Variants in SDCBP2 observed in about 807,000 individuals in gnomAD.
SDCBP2 encodes the protein syndecan binding protein 2, also known as syntenin-2.
In SDCBP2, 28 loss-of-function variants were observed where a neutral mutation model predicts 30.7. That is an observed-to-expected ratio of 0.91 (90% confidence interval 0.68 to 1.25). SDCBP2 has a LOEUF of 1.25. Among genes scored for constraint, SDCBP2 ranks in the 50% most tolerant of loss-of-function variants. SDCBP2 has a pLI of 0.00. For synonymous variants in SDCBP2, 166 were observed against 157.3 expected (o/e 1.06, Z -0.41); for missense variants, 399 against 379.0 (o/e 1.05, Z -0.44).
rs561923969 is a variant in SDCBP2, at chr20:1,312,946, A to C, written c.385-184T>G. ...AGGAAACACTCTAGGCCTCATAGTTAGGAAGCAGGTGAGTCAGGATTTCAA... is the reference window on the plus strand; with the variant it reads ...AGGAAACACTCTAGGCCTCATAGTTCGGAAGCAGGTGAGTCAGGATTTCAA... On this transcript the variant is annotated intron_variant, in intron 5 of 8. Coordinates refer to ENST00000360779, the MANE Select transcript of SDCBP2 (RefSeq NM_080489.5). The C allele has an allele frequency of 3.9e-4, 252 of 652,020 alleles. 1 individual carries two copies. The East Asian group carries it at 6.8e-3, about 18-fold the overall frequency. 40.4% of individuals were successfully genotyped at this position (652,020 alleles called of 1,614,324 possible). A position where few individuals can be genotyped will look rare whatever the true frequency, so the allele number is the denominator to read the frequency against.
Position 1,313,474 on chromosome 20 carries a change from C to T in SDCBP2, c.250G>A (p.Gly84Ser), listed in dbSNP as rs370467931. The T allele has an allele frequency of 1.2e-5, 19 of 1,595,916 alleles. No homozygotes were observed. In the African/African-American group the frequency reaches 2.1e-4, roughly 18 times the overall value. ...CCGGTTACCGGTGCCACCATCTGGC[C>T]GGGCCCGGGGCCCGAGACCGCTGTC... The part of the protein sequence containing the change: ...DSTAVSGPGP[G>S]QMVAPVTGYS... The change falls in exon 5 of 9, where the codon GGC becomes AGC. Residue 84 changes from glycine to serine, a missense_variant. Coordinates refer to ENST00000360779, the MANE Select transcript of SDCBP2 (RefSeq NM_080489.5). This position sits in a 1 kb window ranked among gnomAD's most constrained non-coding sequence, Gnocchi z 5.2.
rs2088726197 is a variant in SDCBP2, at chr20:1,313,770, A to G, written c.226-272T>C. ...AGAGGCCCTTCATTTCCCAAGGGAA[A>G]CTGGCATCAGGAAAAGCCTCCTTTA... On this transcript the variant is annotated intron_variant, in intron 4 of 8. Transcript: ENST00000360779. The surrounding 1 kb of genome is among the most constrained non-coding windows in gnomAD (Gnocchi z 5.2). 1.3e-6 allele frequency: 1 copy of G among 760,392 alleles called. No homozygotes were observed. Among genetic ancestry groups the G allele is most frequent in the East Asian group, 3.9e-5 (1 of 25,446 alleles). The allele number at this position is 760,392 out of a possible 1,614,324, so 47.1% of individuals were successfully genotyped here.
Position 1,319,607 on chromosome 20 carries a change from G to A in SDCBP2, c.107C>T (p.Ala36Val). 6.4e-7 allele frequency: 1 copy of A among 1,572,514 alleles called. No homozygotes were observed. The highest frequency in any genetic ancestry group is 1.2e-5 in the South Asian group (1 of 85,492). The change falls in exon 3 of 9, where the codon GCC (alanine) becomes GTC (valine). Residue 36 changes from alanine (A) to valine (V), a missense_variant. Coordinates refer to ENST00000360779, the MANE Select transcript of SDCBP2 (RefSeq NM_080489.5). ...CCACTCACCTGGTGGTGGGGAAATGGCTGTTGCCTGGACTGGCAGGGCTGG... is the reference window on the plus strand; with the variant it reads ...CCACTCACCTGGTGGTGGGGAAATGACTGTTGCCTGGACTGGCAGGGCTGG... The part of the protein sequence containing the change: ...KMPALPVQAT[A>V]ISPPPVLYPN...
rs2088894495 is a variant in SDCBP2 at position 1,324,657 on chromosome 20, T to G, written c.-19-4222A>C. Among the ~76,000 whole-genome samples, 1 of 152,246 alleles carries G rather than the reference T, an allele frequency of 6.6e-6. No homozygotes were observed. Among genetic ancestry groups the G allele is most frequent in the African/African-American group, 2.4e-5 (1 of 41,468 alleles). On this transcript the variant is annotated intron_variant, in intron 1 of 8. Coordinates refer to ENST00000360779, the MANE Select transcript of SDCBP2 (RefSeq NM_080489.5). The surrounding 1 kb of genome is among the most constrained non-coding windows in gnomAD (Gnocchi z 4.7). ...CTGGAAATGCATATATCAGGTTGGT[T>G]GTGGGGAGTTACACTTTGCTCACCA... is the stretch of plus-strand genomic sequence containing the variant.
At chr20:1,319,718 C>CTGGCCTCA in intron 2 of SDCBP2, 59 bp from the exon 3 acceptor site, 1 of 1,422,126 alleles carries the variant, frequency 7.0e-7, no homozygotes, top group Non-Finnish European at 9.4e-7. Flanking sequence ...ACCCCAGAGC[C>CTGGCCTCA]TGGAGCTCCA....
Position 1,320,361 on chromosome 20 carries a change from A to G in SDCBP2, c.54+2T>C. The G allele has an allele frequency of 6.2e-7, 1 of 1,613,798 alleles. No individual in the cohort carries two copies. The highest frequency in any genetic ancestry group is 8.5e-7 in the Non-Finnish European group (1 of 1,179,752). On this transcript the variant is annotated splice_donor_variant, in intron 2 of 8. Transcript: ENST00000360779. LOFTEE classifies it high-confidence loss of function. The surrounding 1 kb of genome is among the most constrained non-coding windows in gnomAD (Gnocchi z 4.7). ...CCAGGCCAATGGGGCCTGGCGACTT[A>G]CCTGAATGGCTTGGTCCACTTTTAG...
rs560778310 is a variant in SDCBP2 at position 1,312,258 on chromosome 20, G to C, written c.732+79C>G. 2.6e-5 allele frequency: 37 copies of C among 1,422,834 alleles called. No homozygotes were observed. The South Asian group carries it at 4.6e-4, about 18-fold the overall frequency. The allele number at this position is 1,422,834 out of a possible 1,614,324, so 88.1% of individuals were successfully genotyped here. ...CTTAGGAAGAGGATGCTGAGGCTCAGGTGGGGTAAGCAAGCTGCCCAAAGA... is the reference window on the plus strand; with the variant it reads ...CTTAGGAAGAGGATGCTGAGGCTCACGTGGGGTAAGCAAGCTGCCCAAAGA... On this transcript the variant is annotated intron_variant, in intron 7 of 8. Coordinates refer to ENST00000360779, the MANE Select transcript of SDCBP2 (RefSeq NM_080489.5).
chr20:1,313,639 C>T lies in SDCBP2; in HGVS notation c.226-141G>A. The T allele has an allele frequency of 7.1e-7, 1 of 1,398,828 alleles. No individual in the cohort carries two copies. The highest frequency in any genetic ancestry group is 9.3e-7 in the Non-Finnish European group (1 of 1,079,240). 86.7% of individuals were successfully genotyped at this position (1,398,828 alleles called of 1,614,324 possible). On this transcript the variant is annotated intron_variant, in intron 4 of 8. Transcript: ENST00000360779. This position sits in a 1 kb window ranked among gnomAD's most constrained non-coding sequence, Gnocchi z 5.2. Reference sequence around the variant, plus strand: ...CCACGTCCCCAGTCCACGCTTCTCCCCTAGGGGCGAGAGGAGACGTGGCTC... The same window carrying T: ...CCACGTCCCCAGTCCACGCTTCTCCTCTAGGGGCGAGAGGAGACGTGGCTC...
chr20:1,312,393 G>C lies in SDCBP2; in HGVS notation c.676C>G (p.Leu226Val). Residue 226 changes from leucine to valine, a missense_variant, in exon 7 of 9, where the codon CTC (leucine) becomes GTC (valine). Transcript: ENST00000360779. ...VKGSSAARNG[L>V]LTNHYVCEVD... ...TCACACACGTAGTGGTTGGTGAGGA[G>C]CCCGTTGCGGGCCGCAGAACTCCCT... 4.3e-6 allele frequency: 7 copies of C among 1,613,454 alleles called. No individual in the cohort carries two copies. Among genetic ancestry groups the C allele is most frequent in the Non-Finnish European group, 5.9e-6 (7 of 1,179,714 alleles).
chr20:1,317,831 C>T (rs747508164), intron 4 of SDCBP2: 14 of 294,192 alleles, frequency 4.8e-5, no homozygotes, highest in African/African-American at 1.1e-4. Flanking sequence ...GGGGCTTAGG[C>T]GGGGACTGGT....
intron 1 of SDCBP2, chr20:1,323,872 G>A (rs949335694): frequency 6.6e-6 from 1 of 151,518 alleles, no homozygotes; most frequent in African/African-American, 2.4e-5. Flanking sequence ...ACAGTTGGTT[G>A]GATCCATGGA....
intron 4 of SDCBP2, among the ~76,000 whole-genome samples, chr20:1,314,042 C>T (rs1253879762): frequency 2.6e-5 from 4 of 152,256 alleles, no homozygotes; most frequent in Admixed American, 6.5e-5. Context: ...TTATAGATGG[C>T]ACGATGGTCT....
chr20:1,324,682 A>C lies in SDCBP2; in HGVS notation c.-19-4247T>G, dbSNP rs1316202722. 1.3e-5 allele frequency among the ~76,000 whole-genome samples: 2 copies of C among 152,190 alleles called. No homozygotes were observed. The highest frequency in any genetic ancestry group is 3.8e-4 in the East Asian group (2 of 5,198). ...TGTGGGGAGTTACACTTTGCTCACC[A>C]TTCTGGAAAATCGCTGCCCACCCTG... On this transcript the variant is annotated intron_variant, in intron 1 of 8. Coordinates refer to ENST00000360779, the MANE Select transcript of SDCBP2 (RefSeq NM_080489.5). This position sits in a 1 kb window ranked among gnomAD's most constrained non-coding sequence, Gnocchi z 4.7.
rs1375192902 is a variant in SDCBP2 at position 1,313,480 on chromosome 20, C to G, written c.244G>C (p.Gly82Arg). The change falls in exon 5 of 9, where the codon GGG becomes CGG. Residue 82 changes from glycine (G) to arginine (R), a missense_variant. Gly to Arg is a moderately radical substitution (Grantham distance 125). Transcript: ENST00000360779. This position sits in a 1 kb window ranked among gnomAD's most constrained non-coding sequence, Gnocchi z 5.2. Reference sequence around the variant, plus strand: ...ACCGGTGCCACCATCTGGCCGGGCCCGGGGCCCGAGACCGCTGTCTGCAGA... The same window carrying G: ...ACCGGTGCCACCATCTGGCCGGGCCGGGGGCCCGAGACCGCTGTCTGCAGA... ...EGDSTAVSGP[G>R]PGQMVAPVTG... is the part of the protein sequence containing the mutation. The G allele has an allele frequency of 1.9e-6, 3 of 1,592,952 alleles. No homozygotes were observed. The highest frequency in any genetic ancestry group is 2.6e-6 in the Non-Finnish European group (3 of 1,173,322).
Position 1,324,889 on chromosome 20 carries a change from G to A in SDCBP2, c.-20+4196C>T, listed in dbSNP as rs989272659. Among the ~76,000 whole-genome samples the A allele has an allele frequency of 1.4e-4, 22 of 152,154 alleles. No homozygotes were observed. The highest frequency in any genetic ancestry group is 4.4e-5 in the Non-Finnish European group (3 of 68,038). ...TAAACCTAAGCTGATTCCTAAGTTG[G>A]GTACAAGCGTGATCGGGTGTAAGCC... On this transcript the variant is annotated intron_variant, in intron 1 of 8. Coordinates refer to ENST00000360779, the MANE Select transcript of SDCBP2 (RefSeq NM_080489.5). The surrounding 1 kb of genome is among the most constrained non-coding windows in gnomAD (Gnocchi z 4.7).
At chr20:1,316,438 G>A (rs954002566) in intron 4 of SDCBP2, among the ~76,000 whole-genome samples, 2 of 152,332 alleles carry the variant, frequency 1.3e-5, no homozygotes, top group Non-Finnish European at 2.9e-5. Flanking sequence ...CACCCAGGCT[G>A]GAGTGCAGTG....
intron 7 of SDCBP2, among the ~76,000 whole-genome samples, chr20:1,311,721 AC>A (rs1303249712): frequency 2.0e-5 from 3 of 152,084 alleles, no homozygotes; most frequent in Admixed American, 6.6e-5. Flanking sequence ...GAACCTCACG[AC>A]CCCATGGATT....
chr20:1,328,320 G>C (rs768491402), intron 1 of SDCBP2, among the ~76,000 whole-genome samples: 2 of 152,158 alleles, frequency 1.3e-5, no homozygotes, highest in African/African-American at 2.4e-5. Flanking sequence ...AGGTCCAAGG[G>C]TTATTTTGAC....
At chr20:1,317,013 C>T (rs2088787134) in intron 4 of SDCBP2, among the ~76,000 whole-genome samples, 1 of 152,176 alleles carries the variant, frequency 6.6e-6, no homozygotes, top group African/African-American at 2.4e-5. Flanking sequence ...TGTACGATTC[C>T]ACTTATGTAA....
Sources: allele counts gnomAD v4.1 joint callset (sites outside exome capture counted in the v4.1 genomes callset), GRCh38; gene constraint gnomAD v4.1.1; non-coding constraint Gnocchi (gnomAD v3.1); transcripts MANE v1.5; gene names NCBI Gene and HGNC (gene_info 2026-07-23, HGNC 2026-07-21).